The following COL7A1 variants were observed in gnomAD, a reference collection of about 807,000 sequenced individuals.
COL7A1 encodes the protein collagen alpha-1(VII) chain.
In COL7A1, 296 loss-of-function variants were observed where a neutral mutation model predicts 456.2. The ratio of observed to expected loss-of-function variants is 0.65; its 90% confidence interval spans 0.59 to 0.71. COL7A1 has a LOEUF of 0.71. Ranked by LOEUF, COL7A1 falls within the 30% of genes least tolerant of loss-of-function variation. COL7A1 has a pLI of 0.00. For missense variants in COL7A1, 3,441 were observed against 4,017.2 expected (o/e 0.86, Z 3.88); for synonymous variants, 1,464 against 1,525.9 (o/e 0.96, Z 0.95).
At position 48,574,338 on chromosome 3, in the gene COL7A1, C is replaced by T. The variant is rs2044142329; in HGVS notation, c.6457-32G>A. 2.5e-6 allele frequency: 4 copies of T among 1,614,118 alleles called. No homozygotes were observed. Among genetic ancestry groups the T allele is most frequent in the Admixed American group, 1.7e-5 (1 of 60,012 alleles). On this transcript the variant is annotated intron_variant, in intron 79 of 118. Coordinates refer to ENST00000681320, the MANE Select transcript of COL7A1 (RefSeq NM_000094.4). This position sits in a 1 kb window ranked among gnomAD's most constrained non-coding sequence, Gnocchi z 5.0. ...AGAATAGGTTTAAGGCCTTAGTTTCCCAGTTCCAACTTCCCCTCCACCCAC... is the reference window on the plus strand; with the variant it reads ...AGAATAGGTTTAAGGCCTTAGTTTCTCAGTTCCAACTTCCCCTCCACCCAC...
At position 48,575,102 on chromosome 3, in the gene COL7A1, G is replaced by T; in HGVS notation, c.6241C>A (p.Pro2081Thr). The T allele has an allele frequency of 6.2e-7, 1 of 1,613,732 alleles. No homozygotes were observed. Among genetic ancestry groups the T allele is most frequent in the Non-Finnish European group, 8.5e-7 (1 of 1,179,804 alleles). Residue 2081 changes from proline to threonine, a missense_variant, in exon 76 of 119, where the codon CCT (proline) becomes ACT (threonine). Pro to Thr is a conservative substitution (Grantham distance 38). Transcript: ENST00000681320. This position sits in a 1 kb window ranked among gnomAD's most constrained non-coding sequence, Gnocchi z 6.3. ...EQGRDGPPGL[P>T]GTPGPPGPPG... is the part of the protein sequence containing the mutation. ...GGTCCGGGGGGCCCAGGGGTTCCAG[G>T]GAGTCCAGGAGGGCCATCTCTGCCC...
Position 48,580,861 on chromosome 3 carries a change from C to G in COL7A1, c.4980+21G>C. The G allele has an allele frequency of 6.2e-7, 1 of 1,614,128 alleles. No individual in the cohort carries two copies. Among genetic ancestry groups the G allele is most frequent in the Middle Eastern group, 1.6e-4 (1 of 6,062 alleles). ...TGCCCACCTCCCATCACCCCTGTTA[C>G]TTCTCTCTGCCAAGACTCACCCGAA... On this transcript the variant is annotated intron_variant, in intron 54 of 118. Transcript: ENST00000681320. The surrounding 1 kb of genome is among the most constrained non-coding windows in gnomAD (Gnocchi z 4.5).
At position 48,586,812 on chromosome 3, in the gene COL7A1, G is replaced by C; in HGVS notation, c.3277-123C>G. On this transcript the variant is annotated intron_variant, in intron 25 of 118. Transcript: ENST00000681320. This position sits in a 1 kb window ranked among gnomAD's most constrained non-coding sequence, Gnocchi z 5.1. ...CCCTATCTATTAGGGAGTCAGCAGT[G>C]ATGGCAGGATAGGGAGCCAGGCAGT... is the stretch of plus-strand genomic sequence containing the variant. 1 of 1,503,558 alleles carries C rather than the reference G, an allele frequency of 6.7e-7. No individual in the cohort carries two copies. Among genetic ancestry groups the C allele is most frequent in the Non-Finnish European group, 9.0e-7 (1 of 1,108,482 alleles). 93.1% of individuals were successfully genotyped at this position (1,503,558 alleles called of 1,614,324 possible). A position where few individuals can be genotyped will look rare whatever the true frequency, so the allele number is the denominator to read the frequency against.
rs1375943392 is a variant in COL7A1 at position 48,571,572 on chromosome 3, G to A, written c.7069-294C>T. ...ATCTGGCTCCACAGACGTGAGTGCGGACACACGGGCGCTCAGAGGGGAACC... is the reference window on the plus strand; with the variant it reads ...ATCTGGCTCCACAGACGTGAGTGCGAACACACGGGCGCTCAGAGGGGAACC... On this transcript the variant is annotated intron_variant, in intron 92 of 118. Transcript: ENST00000681320. This position sits in a 1 kb window ranked among gnomAD's most constrained non-coding sequence, Gnocchi z 4.6. The A allele has an allele frequency of 1.8e-5, 12 of 678,132 alleles. No individual in the cohort carries two copies. Among genetic ancestry groups the A allele is most frequent in the Non-Finnish European group, 2.5e-5 (9 of 360,558 alleles). The allele number at this position is 678,132 out of a possible 1,614,324, so 42.0% of individuals were successfully genotyped here. A position where few individuals can be genotyped will look rare whatever the true frequency, so the allele number is the denominator to read the frequency against.
rs750030849 is a variant in COL7A1, at chr3:48,586,704, AAC to A, written c.3277-17_3277-16del. 9 of 1,568,822 alleles carry A rather than the reference AAC, an allele frequency of 5.7e-6. No homozygotes were observed. In the East Asian group the frequency reaches 1.9e-4, roughly 33 times the overall value. ...AGCAGGCCAACCTGGGGTGGAAGGA[AAC>A]ACAGAGCCTGAGGAGGATGACAGAG... is the stretch of plus-strand genomic sequence containing the variant. On this transcript the variant is annotated splice_polypyrimidine_tract_variant and intron_variant, in intron 25 of 118. Transcript: ENST00000681320. This position sits in a 1 kb window ranked among gnomAD's most constrained non-coding sequence, Gnocchi z 5.1.
At position 48,574,999 on chromosome 3, in the gene COL7A1, G is replaced by T. The variant is rs2044189296; in HGVS notation, c.6279+65C>A. On this transcript the variant is annotated intron_variant, in intron 76 of 118. Coordinates refer to ENST00000681320, the MANE Select transcript of COL7A1 (RefSeq NM_000094.4). The surrounding 1 kb of genome is among the most constrained non-coding windows in gnomAD (Gnocchi z 5.0). ...ATGGCACACACTACCATATTTCTGG[G>T]GACCAAGCTAAGGGTGGCTTCCTGG... 11 of 1,578,238 alleles carry T rather than the reference G, an allele frequency of 7.0e-6. No homozygotes were observed. The highest frequency in any genetic ancestry group is 9.6e-6 in the Non-Finnish European group (11 of 1,148,640).
Position 48,575,867 on chromosome 3 carries a change from C to T in COL7A1, c.5856G>A (p.Lys1952=). Residue 1952 remains lysine, a splice_region_variant and synonymous_variant, in exon 72 of 119, where the codon AAG becomes AAA. Coordinates refer to ENST00000681320, the MANE Select transcript of COL7A1 (RefSeq NM_000094.4). The surrounding 1 kb of genome is among the most constrained non-coding windows in gnomAD (Gnocchi z 6.3). ...VDRLLETAGI[K]ASALREIVET... Reference sequence around the variant, plus strand: ...TACCCCCAGCCCCTAAACAACCCACCTTGATGCCAGCAGTTTCCAGCAACC... The same window carrying T: ...TACCCCCAGCCCCTAAACAACCCACTTTGATGCCAGCAGTTTCCAGCAACC... The T allele has an allele frequency of 6.2e-7, 1 of 1,614,166 alleles. No individual in the cohort carries two copies. The highest frequency in any genetic ancestry group is 8.5e-7 in the Non-Finnish European group (1 of 1,180,028).
chr3:48,572,442 G>C lies in COL7A1; in HGVS notation c.6937-21C>G. The C allele has an allele frequency of 1.3e-5, 21 of 1,614,054 alleles. No homozygotes were observed. The highest frequency in any genetic ancestry group is 1.8e-5 in the Non-Finnish European group (21 of 1,179,974). ...GCTCCCTGGTAAGGGGGAGAGGTCAGTGGGATTCCTTGGCCCCCACCAGTT... is the reference window on the plus strand; with the variant it reads ...GCTCCCTGGTAAGGGGGAGAGGTCACTGGGATTCCTTGGCCCCCACCAGTT... On this transcript the variant is annotated intron_variant, in intron 89 of 118. Coordinates refer to ENST00000681320, the MANE Select transcript of COL7A1 (RefSeq NM_000094.4). This position sits in a 1 kb window ranked among gnomAD's most constrained non-coding sequence, Gnocchi z 4.6.
chr3:48,575,001 A>T lies in COL7A1; in HGVS notation c.6279+63T>A. ...GGCACACACTACCATATTTCTGGGG[A>T]CCAAGCTAAGGGTGGCTTCCTGGTC... On this transcript the variant is annotated intron_variant, in intron 76 of 118. Transcript: ENST00000681320. The surrounding 1 kb of genome is among the most constrained non-coding windows in gnomAD (Gnocchi z 6.3). 6.3e-7 allele frequency: 1 copy of T among 1,583,026 alleles called. No individual in the cohort carries two copies.
Position 48,579,852 on chromosome 3 carries a change from A to G in COL7A1, c.5125-38T>C. ...TGACCAGTGAGAAGAATGGCTCAACAAGGGGAAGAGGAGTTGGCGAGGGGA... is the reference window on the plus strand; with the variant it reads ...TGACCAGTGAGAAGAATGGCTCAACGAGGGGAAGAGGAGTTGGCGAGGGGA... On this transcript the variant is annotated intron_variant, in intron 57 of 118. Transcript: ENST00000681320. The surrounding 1 kb of genome is among the most constrained non-coding windows in gnomAD (Gnocchi z 4.4). 6.2e-7 allele frequency: 1 copy of G among 1,613,856 alleles called. No individual in the cohort carries two copies. Among genetic ancestry groups the G allele is most frequent in the Non-Finnish European group, 8.5e-7 (1 of 1,179,962 alleles).
chr3:48,565,294 A>G lies in COL7A1; in HGVS notation c.8528-93T>C. 3 of 1,488,356 alleles carry G rather than the reference A, an allele frequency of 2.0e-6. No individual in the cohort carries two copies. Among genetic ancestry groups the G allele is most frequent in the Non-Finnish European group, 1.8e-6 (2 of 1,081,942 alleles). 92.2% of individuals were successfully genotyped at this position (1,488,356 alleles called of 1,614,324 possible). The stretch of plus-strand genomic sequence containing the variant: ...TTTCCACTGTGTGCACACAGTGCCC[A>G]TGCGTGTGCCCTGCATGCAGACCCT... On this transcript the variant is annotated intron_variant, in intron 116 of 118. Transcript: ENST00000681320. The surrounding 1 kb of genome is among the most constrained non-coding windows in gnomAD (Gnocchi z 4.5).
At position 48,593,004 on chromosome 3, in the gene COL7A1, G is replaced by A. The variant is rs1340307506; in HGVS notation, c.683-66C>T. 24 of 1,612,406 alleles carry A rather than the reference G, an allele frequency of 1.5e-5. No homozygotes were observed. The highest frequency in any genetic ancestry group is 4.5e-5 in the East Asian group (2 of 44,890). ...GTGGGCATGTATGATGCAGAGTTGG[G>A]GTCGGGGTCAGGAGCACATAGGATG... On this transcript the variant is annotated intron_variant, in intron 6 of 118. Transcript: ENST00000681320. The surrounding 1 kb of genome is among the most constrained non-coding windows in gnomAD (Gnocchi z 4.4).
In COL7A1 at chr3:48,571,703, A is replaced by C; in HGVS notation, c.7068+298T>G. 1 of 643,142 alleles carries C rather than the reference A, an allele frequency of 1.6e-6. No homozygotes were observed. Among genetic ancestry groups the C allele is most frequent in the Non-Finnish European group, 2.9e-6 (1 of 344,586 alleles). The allele number at this position is 643,142 out of a possible 1,614,324, so 39.8% of individuals were successfully genotyped here. The stretch of plus-strand genomic sequence containing the variant: ...TAAACACAGGACCAAGGAGAGGTTC[A>C]CAAGAACTCAGGTGTGTCCTGGGAT... On this transcript the variant is annotated intron_variant, in intron 92 of 118. Transcript: ENST00000681320. This position sits in a 1 kb window ranked among gnomAD's most constrained non-coding sequence, Gnocchi z 4.6.
Position 48,575,660 on chromosome 3 carries a change from C to T in COL7A1, c.5945G>A (p.Gly1982Glu). 1.2e-6 allele frequency: 2 copies of T among 1,613,592 alleles called. No homozygotes were observed. Among genetic ancestry groups the T allele is most frequent in the Non-Finnish European group, 1.7e-6 (2 of 1,180,030 alleles). ...PVPERRRGPK[G>E]DSGEQGPPGK... ...TGGGGGGCCCTGTTCGCCTGAGTCC[C>T]CCTTGGGGCCTCGACGCCGTTCGGG... is the stretch of plus-strand genomic sequence containing the variant. Residue 1982 changes from glycine to glutamate, a missense_variant, in exon 73 of 119, where the codon GGG (glycine) becomes GAG (glutamate). Gly to Glu is a moderately conservative substitution (Grantham distance 98, BLOSUM62 -2). Transcript: ENST00000681320. The surrounding 1 kb of genome is among the most constrained non-coding windows in gnomAD (Gnocchi z 6.3).
At position 48,591,427 on chromosome 3, in the gene COL7A1, G is replaced by A; in HGVS notation, c.1636+37C>T. 6.2e-7 allele frequency: 1 copy of A among 1,610,284 alleles called. No homozygotes were observed. On this transcript the variant is annotated intron_variant, in intron 13 of 118. Coordinates refer to ENST00000681320, the MANE Select transcript of COL7A1 (RefSeq NM_000094.4). The surrounding 1 kb of genome is among the most constrained non-coding windows in gnomAD (Gnocchi z 7.0). ...TCAGACCCCTCAGGCTGGAACTTCA[G>A]TGTGTGTGGTGGGGGTGCTGGCTGC...
Position 48,569,882 on chromosome 3 carries a change from T to G in COL7A1, c.7519A>C (p.Lys2507Gln). Residue 2507 changes from lysine (K) to glutamine (Q), a missense_variant and splice_region_variant, in exon 100 of 119, where the codon AAG becomes CAG. By Grantham distance (53) the Lys-to-Gln change is moderately conservative. Transcript: ENST00000681320. This position sits in a 1 kb window ranked among gnomAD's most constrained non-coding sequence, Gnocchi z 4.9. ...CAGGACCTTCCCCACGTTCCTACCT[T>G]CTCCCCACGCTCTCCCCTGCTGCCA... ...PPGSRGERGE[K>Q]GDVGSAGLKG... The G allele has an allele frequency of 1.9e-6, 3 of 1,613,960 alleles. No homozygotes were observed. The highest frequency in any genetic ancestry group is 2.5e-6 in the Non-Finnish European group (3 of 1,179,964).
Position 48,580,808 on chromosome 3 carries a change from C to T in COL7A1, c.4980+74G>A, listed in dbSNP as rs894612931. On this transcript the variant is annotated intron_variant, in intron 54 of 118. Transcript: ENST00000681320. The surrounding 1 kb of genome is among the most constrained non-coding windows in gnomAD (Gnocchi z 4.5). ...CTGCAGGGACTCCCATCACCCCTTA[C>T]CCCCCTCAGCCTTTCCTATCACCTT... The T allele has an allele frequency of 1.3e-6, 2 of 1,594,434 alleles. No individual in the cohort carries two copies. The highest frequency in any genetic ancestry group is 2.7e-5 in the African/African-American group (2 of 74,428).
rs1471982791 is a variant in COL7A1, at chr3:48,580,423, G to A, written c.5053-79C>T. 1.3e-6 allele frequency: 2 copies of A among 1,544,508 alleles called. No homozygotes were observed. Among genetic ancestry groups the A allele is most frequent in the South Asian group, 2.3e-5 (2 of 86,400 alleles). ...CTTTGGAAGCACCATGAGGACTCAT[G>A]GGAATGTTGGTAGCCTTCAGATGCG... On this transcript the variant is annotated intron_variant, in intron 55 of 118. Coordinates refer to ENST00000681320, the MANE Select transcript of COL7A1 (RefSeq NM_000094.4). The surrounding 1 kb of genome is among the most constrained non-coding windows in gnomAD (Gnocchi z 4.5).
chr3:48,568,431 G>T lies in COL7A1; in HGVS notation c.7794+68C>A, dbSNP rs2043706847. The T allele has an allele frequency of 1.3e-6, 2 of 1,492,902 alleles. No homozygotes were observed. Among genetic ancestry groups the T allele is most frequent in the South Asian group, 2.4e-5 (2 of 83,576 alleles). The allele number at this position is 1,492,902 out of a possible 1,614,324, so 92.5% of individuals were successfully genotyped here. ...TATAAGGTCAAAAGCTACCACACTG[G>T]TGGGACCACCATGGTGACGGGGGCC... On this transcript the variant is annotated intron_variant, in intron 105 of 118. Transcript: ENST00000681320. The surrounding 1 kb of genome is among the most constrained non-coding windows in gnomAD (Gnocchi z 5.2).
Sources: gnomAD v4.1 joint callset for allele counts on GRCh38, gnomAD v4.1.1 for gene constraint, Gnocchi (gnomAD v3.1) non-coding constraint, MANE v1.5 for transcripts, NCBI Gene and HGNC (gene_info 2026-07-23, HGNC 2026-07-21) for gene names.